The following NCOA2 variants were observed in gnomAD, a reference collection of about 807,000 sequenced individuals.
NCOA2 encodes the protein class E basic helix-loop-helix protein 75.
Under a neutral mutation model 145.1 loss-of-function variants are expected in NCOA2, and 21 were observed. The observed-to-expected ratio is 0.14, with a 90% confidence interval of 0.10 to 0.21. The LOEUF is 0.21. Among genes scored for constraint, NCOA2 ranks in the 10% least tolerant of loss-of-function variants. The pLI is 1.00. For synonymous variants in NCOA2, 619 were observed against 637.5 expected, an observed-to-expected ratio of 0.97 and a Z score of 0.44; for missense variants, 1,472 against 1,837.6, an observed-to-expected ratio of 0.80 and a Z score of 3.64.
the NCOA2 span, among the ~76,000 whole-genome samples, chr8:70,434,741 T>A: frequency 1.3e-4 from 20 of 152,206 alleles, no homozygotes; most frequent in Admixed American, 3.9e-4. Context: ...ATAATTTTTT[T>A]AAAATTTTCA....
At chr8:70,139,577 G>C (rs959845284) in intron 14 of NCOA2, among the ~76,000 whole-genome samples, 3 of 149,800 alleles carry the variant, frequency 2.0e-5, no homozygotes, top group African/African-American at 7.4e-5. Flanking sequence ...CAATTAAATA[G>C]GTAAGAAAAC....
intron 4 of NCOA2, among the ~76,000 whole-genome samples, chr8:70,194,628 T>C (rs1172369717): frequency 1.3e-5 from 2 of 152,030 alleles, no homozygotes; most frequent in Non-Finnish European, 1.5e-5. Flanking sequence ...CAAGAAGTCT[T>C]TTTTGGTCTA....
intron 21 of NCOA2, 66 bp downstream of exon 21, chr8:70,123,818 T>G: frequency 7.4e-7 from 1 of 1,358,212 alleles, no homozygotes; most frequent in South Asian, 1.5e-5. Flanking sequence ...AAAGATATAT[T>G]TGATGCAGAA....
At chr8:70,184,506 G>C (rs1057256730) in intron 4 of NCOA2, among the ~76,000 whole-genome samples, 3 of 152,074 alleles carry the variant, frequency 2.0e-5, no homozygotes, top group Non-Finnish European at 4.4e-5. Flanking sequence ...CTAAGGATAA[G>C]GTTAACAGCT....
intron 10 of NCOA2, among the ~76,000 whole-genome samples, chr8:70,159,156 T>C (rs1812604392): frequency 6.7e-6 from 1 of 149,050 alleles, no homozygotes; most frequent in Non-Finnish European, 1.5e-5. Context: ...AAATCATTTC[T>C]AGAAATAATT....
the NCOA2 span, among the ~76,000 whole-genome samples, chr8:70,442,315 T>G: frequency 7.9e-5 from 12 of 152,176 alleles, no homozygotes; most frequent in Non-Finnish European, 1.2e-4. Context: ...AGTAAACTTT[T>G]AGGGCTGAAG....
the NCOA2 span, among the ~76,000 whole-genome samples, chr8:70,437,094 T>C: frequency 6.6e-6 from 1 of 152,250 alleles, no homozygotes; most frequent in Non-Finnish European, 1.5e-5. Context: ...TCTAGCCACA[T>C]AGGCCCATCT....
intron 1 of NCOA2, among the ~76,000 whole-genome samples, chr8:70,303,066 C>G (rs770584699): frequency 2.0e-5 from 3 of 152,154 alleles, no homozygotes; most frequent in African/African-American, 4.8e-5. Flanking sequence ...GACTAGTATT[C>G]TTGCCCAGAG....
intron 4 of NCOA2, among the ~76,000 whole-genome samples, chr8:70,175,389 G>T (rs796522793): frequency 4.6e-5 from 7 of 152,340 alleles, no homozygotes; most frequent in African/African-American, 1.7e-4. Flanking sequence ...AAGTGGACAG[G>T]AAGATTTGGT....
At chr8:70,132,699 G>T (rs1809268934) in intron 15 of NCOA2, among the ~76,000 whole-genome samples, 7 of 152,150 alleles carry the variant, frequency 4.6e-5, no homozygotes. Flanking sequence ...AAGTAGCTGG[G>T]ACTATAGGCA....
upstream of NCOA2, chr8:70,403,890 A>T (rs1442050784): frequency 8.9e-6 from 3 of 336,622 alleles, no homozygotes; most frequent in Non-Finnish European, 1.5e-5. Flanking sequence ...GCGTCTCCGC[A>T]CTTGCGGAGA....
chr8:70,113,987 C>T (rs1379586208), intron 22 of NCOA2, among the ~76,000 whole-genome samples: 1 of 152,214 alleles, frequency 6.6e-6, no homozygotes, highest in Admixed American at 6.5e-5. Context: ...ATAAAGATGA[C>T]AGAACAATTC....
intron 21 of NCOA2, 106 bp from the exon 22 acceptor site, chr8:70,121,497 C>A: frequency 1.2e-6 from 1 of 802,108 alleles, no homozygotes; most frequent in East Asian, 2.7e-5. Context: ...GGTGTAAAAA[C>A]GGGGAAAAGG....
chr8:70,428,546 C>G, the NCOA2 span, among the ~76,000 whole-genome samples: 1 of 152,146 alleles, frequency 6.6e-6, no homozygotes, highest in Admixed American at 6.5e-5. Context: ...ATTGCTGGAG[C>G]CCAGGAGGTC....
intron 4 of NCOA2, among the ~76,000 whole-genome samples, chr8:70,202,343 T>C (rs754098343): frequency 5.3e-5 from 8 of 152,184 alleles, no homozygotes; most frequent in Non-Finnish European, 8.8e-5. Context: ...TCTGGGTATA[T>C]ACCCAAAAGA....
intron 1 of NCOA2, among the ~76,000 whole-genome samples, chr8:70,323,858 A>G (rs1806311944): frequency 6.6e-6 from 1 of 152,196 alleles, no homozygotes; most frequent in South Asian, 2.1e-4. Flanking sequence ...ATATACAAAC[A>G]CAACTATCCA....
At chr8:70,344,608 T>C (rs1256138883) in intron 1 of NCOA2, among the ~76,000 whole-genome samples, 2 of 152,170 alleles carry the variant, frequency 1.3e-5, no homozygotes, top group Non-Finnish European at 2.9e-5. Context: ...GAGCTGTTTC[T>C]GGAGGAAAAT....
chr8:70,332,382 T>A (rs1047926798), intron 1 of NCOA2, among the ~76,000 whole-genome samples: 3 of 152,166 alleles, frequency 2.0e-5, no homozygotes, highest in Admixed American at 6.5e-5. Flanking sequence ...TTGAATATGT[T>A]CCACAATACT....
intron 2 of NCOA2, among the ~76,000 whole-genome samples, chr8:70,248,937 G>A (rs1325011652): frequency 6.6e-6 from 1 of 151,696 alleles, no homozygotes; most frequent in Admixed American, 6.6e-5. Flanking sequence ...TTCTCCTATT[G>A]GTAGACATTT....
Sources: allele counts gnomAD v4.1 joint callset (sites outside exome capture counted in the v4.1 genomes callset), GRCh38; gene constraint gnomAD v4.1.1; transcripts MANE v1.5; gene names NCBI Gene and HGNC (gene_info 2026-07-23, HGNC 2026-07-21).